The following PPP2R3A variants were observed in gnomAD, a reference collection of about 807,000 sequenced individuals.
PPP2R3A encodes the protein serine/threonine-protein phosphatase 2A regulatory subunit B'' subunit alpha.
Under a neutral mutation model 106.9 loss-of-function variants are expected in PPP2R3A, and 80 were observed. The observed-to-expected ratio is 0.75, with a 90% CI of 0.62 to 0.90. The LOEUF (loss-of-function observed/expected upper bound fraction) is 0.90, where lower values mean the gene tolerates loss of function less well. Among genes scored for constraint, PPP2R3A ranks in the 40% least tolerant of loss-of-function variants. The pLI is 0.00. For missense variants in PPP2R3A, 1,386 were observed against 1,350.4 expected, an observed-to-expected ratio of 1.03 and a Z score of -0.41; for synonymous variants, 483 against 468.3, an observed-to-expected ratio of 1.03 and a Z score of -0.41.
intron 1 of PPP2R3A, among the ~76,000 whole-genome samples, chr3:135,982,533 A>C (rs1359882644): frequency 6.6e-6 from 1 of 152,176 alleles, no homozygotes; most frequent in Non-Finnish European, 1.5e-5. Context: ...TCAGCCTCAC[A>C]TACCACATAT....
At chr3:135,971,065 C>G (rs1024171259) in intron 1 of PPP2R3A, among the ~76,000 whole-genome samples, 2 of 152,104 alleles carry the variant, frequency 1.3e-5, no homozygotes, top group Non-Finnish European at 2.9e-5. Context: ...AAATGGAATA[C>G]TTGGCTATGT....
At chr3:135,992,047 TTTTA>T (rs1260429146) in intron 1 of PPP2R3A, among the ~76,000 whole-genome samples, 2 of 152,138 alleles carry the variant, frequency 1.3e-5, no homozygotes, top group Admixed American at 6.5e-5. Flanking sequence ...ACTATATTAA[TTTTA>T]TTTATTTTAT....
rs1255088317 is a variant in PPP2R3A at position 136,146,670 on chromosome 3, C to T, written c.*1504C>T. ...ATTTAACTATTACAGAAAGCAGTAA[C>T]TATTGCAACTATCTAATAGTTCACA... On this transcript the variant is annotated 3_prime_UTR_variant, in exon 14 of 14. Transcript: ENST00000264977. The T allele has an allele frequency of 6.6e-6, 1 of 152,130 alleles. No individual in the cohort carries two copies. Among genetic ancestry groups the T allele is most frequent in the Non-Finnish European group, 1.5e-5 (1 of 68,028 alleles). 9.4% of individuals were successfully genotyped at this position (152,130 alleles called of 1,614,324 possible). A position where few individuals can be genotyped will look rare whatever the true frequency, so the allele number is the denominator to read the frequency against.
chr3:136,098,151 A>G (rs1172038750), intron 10 of PPP2R3A, among the ~76,000 whole-genome samples: 1 of 152,224 alleles, frequency 6.6e-6, no homozygotes, highest in Non-Finnish European at 1.5e-5. Context: ...GATCTCTACA[A>G]AAAGTTTTTA....
At chr3:136,132,506 AAAG>A (rs552303703) in intron 13 of PPP2R3A, among the ~76,000 whole-genome samples, 105 of 152,210 alleles carry the variant, frequency 6.9e-4, no homozygotes, top group African/African-American at 2.5e-3. Context: ...ATTGAAATAA[AAAG>A]AATAATTCTA....
chr3:136,099,081 G>A (rs929412370), intron 10 of PPP2R3A, among the ~76,000 whole-genome samples: 2 of 152,164 alleles, frequency 1.3e-5, no homozygotes, highest in African/African-American at 4.8e-5. Context: ...CTAACAGAAT[G>A]CTGCCTACCT....
At chr3:135,996,277 A>G (rs1268465394) in intron 1 of PPP2R3A, among the ~76,000 whole-genome samples, 2 of 152,236 alleles carry the variant, frequency 1.3e-5, no homozygotes, top group Admixed American at 1.3e-4. Flanking sequence ...CTTTGTAAAA[A>G]TGTATTTATA....
chr3:136,086,412 G>A (rs991290233), intron 8 of PPP2R3A, among the ~76,000 whole-genome samples: 1 of 151,614 alleles, frequency 6.6e-6, no homozygotes, highest in Non-Finnish European at 1.5e-5. Flanking sequence ...AACCCAGGAG[G>A]CAGAGGTTGC....
chr3:136,056,041 G>A (rs1935849677), intron 5 of PPP2R3A, among the ~76,000 whole-genome samples: 1 of 152,138 alleles, frequency 6.6e-6, no homozygotes, highest in Non-Finnish European at 1.5e-5. Context: ...GGCAAGATAT[G>A]GTGCAAAGGA....
chr3:136,093,061 C>T (rs781507400), intron 10 of PPP2R3A, among the ~76,000 whole-genome samples: 6 of 152,172 alleles, frequency 3.9e-5, no homozygotes, highest in Non-Finnish European at 5.9e-5. Flanking sequence ...TTAGATGTGA[C>T]ACCAAAAGCA....
intron 13 of PPP2R3A, among the ~76,000 whole-genome samples, chr3:136,128,489 C>A (rs1453059183): frequency 6.6e-6 from 1 of 152,068 alleles, no homozygotes; most frequent in Non-Finnish European, 1.5e-5. Context: ...TATATATGCA[C>A]CCAATACAGG....
chr3:136,098,355 C>G (rs897632177), intron 10 of PPP2R3A, among the ~76,000 whole-genome samples: 4 of 152,158 alleles, frequency 2.6e-5, no homozygotes, highest in African/African-American at 7.2e-5. Context: ...ATTACATGTT[C>G]AATTTTTTGC....
chr3:136,003,122 A>T lies in PPP2R3A; in HGVS notation c.1624A>T (p.Ser542Cys). Residue 542 changes from serine to cysteine, a missense_variant, in exon 2 of 14, where the codon AGT becomes TGT. Ser to Cys is a moderately radical substitution (Grantham distance 112). Transcript: ENST00000264977. ...GGGTAAAAACTCTAATTTTTTAAATAGTCACAGTCAGTTGACCGGTCAGAC... is the reference window on the plus strand; with the variant it reads ...GGGTAAAAACTCTAATTTTTTAAATTGTCACAGTCAGTTGACCGGTCAGAC... ...AKGKNSNFLN[S>C]HSQLTGQTLV... 1 of 1,611,344 alleles carries T rather than the reference A, an allele frequency of 6.2e-7. No individual in the cohort carries two copies. The highest frequency in any genetic ancestry group is 8.5e-7 in the Non-Finnish European group (1 of 1,179,318).
intron 13 of PPP2R3A, among the ~76,000 whole-genome samples, chr3:136,143,470 AAC>A (rs1260473165): frequency 1.3e-5 from 2 of 149,722 alleles, no homozygotes; most frequent in African/African-American, 2.5e-5. Flanking sequence ...CAGCCTGGGC[AAC>A]AGAGCAAGAC....
chr3:136,119,309 G>A (rs992389468), intron 13 of PPP2R3A, among the ~76,000 whole-genome samples: 3 of 152,100 alleles, frequency 2.0e-5, no homozygotes, highest in African/African-American at 7.2e-5. Context: ...CATAGGCATG[G>A]GCAAAGACTT....
intron 10 of PPP2R3A, among the ~76,000 whole-genome samples, chr3:136,100,331 G>A (rs1445784906): frequency 6.6e-6 from 1 of 151,566 alleles, no homozygotes; most frequent in Non-Finnish European, 1.5e-5. Context: ...GCAATATAGT[G>A]AGACCCTGTC....
intron 13 of PPP2R3A, among the ~76,000 whole-genome samples, chr3:136,111,276 G>A (rs1937587295): frequency 1.3e-5 from 2 of 152,070 alleles, no homozygotes; most frequent in African/African-American, 4.8e-5. Flanking sequence ...TAAGAGTAGA[G>A]AAATATAGAC....
intron 13 of PPP2R3A, among the ~76,000 whole-genome samples, chr3:136,139,343 T>G (rs1204162581): frequency 6.6e-6 from 1 of 152,150 alleles, no homozygotes; most frequent in Non-Finnish European, 1.5e-5. Context: ...GGCAGTGGTG[T>G]TGCTGGCCAA....
intron 10 of PPP2R3A, among the ~76,000 whole-genome samples, chr3:136,098,029 A>G (rs1185875425): frequency 6.6e-6 from 1 of 152,238 alleles, no homozygotes; most frequent in Non-Finnish European, 1.5e-5. Context: ...ATTAGGTTCA[A>G]TGAATGTCCC....
Sources: allele counts gnomAD v4.1 joint callset (sites outside exome capture counted in the v4.1 genomes callset), GRCh38; gene constraint gnomAD v4.1.1; transcripts MANE v1.5; gene names NCBI Gene and HGNC (gene_info 2026-07-23, HGNC 2026-07-21).